Variants in CA8 observed in about 807,000 individuals in gnomAD.
CA8 encodes carbonic anhydrase-related protein.
CA8 carries 22 observed loss-of-function variants against 41.4 expected under a neutral mutation model. The ratio of observed to expected loss-of-function variants is 0.53; its 90% CI spans 0.38 to 0.76. The LOEUF (loss-of-function observed/expected upper bound fraction) is 0.76, where lower values mean the gene tolerates loss of function less well. Ranked by LOEUF, CA8 falls within the 30% of genes least tolerant of loss-of-function variation. CA8 has a pLI of 0.00. For synonymous variants in CA8, 121 were observed against 130.6 expected, an observed-to-expected ratio of 0.93 and a Z score of 0.50; for missense variants, 270 against 352.8, an observed-to-expected ratio of 0.77 and a Z score of 1.88.
chr8:60,225,162 C>G (rs1313834493), intron 5 of CA8, among the ~76,000 whole-genome samples: 2 of 152,028 alleles, frequency 1.3e-5, no homozygotes, highest in Non-Finnish European at 2.9e-5. Context: ...ATACAAATTT[C>G]AAGGGAATCA....
At chr8:60,249,997 CAGAAA>C (rs1454449960) in intron 3 of CA8, among the ~76,000 whole-genome samples, 1 of 152,136 alleles carries the variant, frequency 6.6e-6, no homozygotes, top group Non-Finnish European at 1.5e-5. Context: ...TACCTAGCAT[CAGAAA>C]TATAATATCC....
rs79993584 is a variant in CA8, at chr8:60,198,630, T to C, written c.*36-8645A>G. ...GATTGACTATCTAATTACTTCTTAA[T>C]TGAATGCACATATTATACATTTTTC... is the stretch of plus-strand genomic sequence containing the variant. On this transcript the variant is annotated intron_variant, in intron 8 of 8. Coordinates refer to ENST00000317995, the MANE Select transcript of CA8 (RefSeq NM_004056.6). 8.6e-4 allele frequency among the ~76,000 whole-genome samples: 131 copies of C among 152,304 alleles called. 1 individual carries two copies. Among genetic ancestry groups the C allele is most frequent in the African/African-American group, 3.0e-3 (123 of 41,558 alleles).
At chr8:60,253,632 G>T (rs771938299) in intron 3 of CA8, among the ~76,000 whole-genome samples, 4 of 152,114 alleles carry the variant, frequency 2.6e-5, no homozygotes, top group Non-Finnish European at 4.4e-5. Context: ...CTCATTCTCA[G>T]GAAGGAGTTA....
In CA8 at chr8:60,223,569, G is replaced by A. The variant is rs578136441; in HGVS notation, c.626-808C>T. Reference sequence around the variant, plus strand: ...CAAAGTGTTGGGATTACATAGGTATGATCATGTCTGTCTGAAAGCCTGTAT... The same window carrying A: ...CAAAGTGTTGGGATTACATAGGTATAATCATGTCTGTCTGAAAGCCTGTAT... On this transcript the variant is annotated intron_variant, in intron 6 of 8. Coordinates refer to ENST00000317995, the MANE Select transcript of CA8 (RefSeq NM_004056.6). 5.9e-5 allele frequency among the ~76,000 whole-genome samples: 9 copies of A among 152,320 alleles called. No individual in the cohort carries two copies. In the East Asian group the frequency reaches 1.7e-3, roughly 29 times the overall value.
At chr8:60,232,182 A>T in intron 4 of CA8, 102 bp downstream of exon 4, 1 of 844,356 alleles carries the variant, frequency 1.2e-6, no homozygotes, top group Non-Finnish European at 2.0e-6. Flanking sequence ...CTATGTGTGT[A>T]ATTTCATCTC....
chr8:60,269,149 G>A (rs1803990258), intron 2 of CA8, among the ~76,000 whole-genome samples: 1 of 152,136 alleles, frequency 6.6e-6, no homozygotes, highest in Non-Finnish European at 1.5e-5. Flanking sequence ...GAATGATTGT[G>A]TTTATGGACT....
chr8:60,196,441 G>C (rs1806284607), intron 8 of CA8, among the ~76,000 whole-genome samples: 1 of 152,058 alleles, frequency 6.6e-6, no homozygotes, highest in African/African-American at 2.4e-5. Flanking sequence ...AGCAAATAGA[G>C]GTGCTGTGTT....
At chr8:60,280,068 A>T (rs1338496663) in intron 1 of CA8, among the ~76,000 whole-genome samples, 188 bp from the exon 2 acceptor site, 1 of 152,192 alleles carries the variant, frequency 6.6e-6, no homozygotes, top group Non-Finnish European at 1.5e-5. Flanking sequence ...GTTATTATCA[A>T]ATACCATACA....
At chr8:60,248,443 G>T (rs568397473) in intron 3 of CA8, among the ~76,000 whole-genome samples, 1 of 152,266 alleles carries the variant, frequency 6.6e-6, no homozygotes, top group South Asian at 2.1e-4. Flanking sequence ...GTGCAAGGAA[G>T]GGGTCCAGTT....
At chr8:60,194,151 A>G (rs1466240389) in intron 8 of CA8, among the ~76,000 whole-genome samples, 1 of 152,088 alleles carries the variant, frequency 6.6e-6, no homozygotes, top group East Asian at 1.9e-4. Flanking sequence ...TTACCTCTCC[A>G]AATATATGAG....
chr8:60,237,127 T>C (rs1402671640), intron 3 of CA8, among the ~76,000 whole-genome samples: 1 of 152,182 alleles, frequency 6.6e-6, no homozygotes, highest in Non-Finnish European at 1.5e-5. Context: ...TGTGCTCTCA[T>C]AAAAGACCTC....
rs557514210 is a variant in CA8 at position 60,222,026 on chromosome 8, C to A, written c.738+623G>T. On this transcript the variant is annotated intron_variant, in intron 7 of 8. Transcript: ENST00000317995. ...AGACAGGAGATATTTAAAGCCCCTT[C>A]TGTAATATTAAAATCATGGCTTAAA... Among the ~76,000 whole-genome samples the A allele has an allele frequency of 5.3e-5, 8 of 152,290 alleles. No homozygotes were observed. In the East Asian group the frequency reaches 1.4e-3, roughly 26 times the overall value.
chr8:60,261,856 C>T (rs534272909), intron 3 of CA8, among the ~76,000 whole-genome samples: 2 of 151,954 alleles, frequency 1.3e-5, no homozygotes, highest in African/African-American at 2.4e-5. Flanking sequence ...GGACTACAGG[C>T]GCCCGTCACC....
chr8:60,271,537 G>A (rs1424612991), intron 2 of CA8, among the ~76,000 whole-genome samples: 4 of 152,090 alleles, frequency 2.6e-5, no homozygotes, highest in Non-Finnish European at 5.9e-5. Flanking sequence ...GGGAAAAGTA[G>A]GATTAATAAT....
intron 3 of CA8, among the ~76,000 whole-genome samples, chr8:60,258,993 C>G (rs760274234): frequency 1.3e-4 from 20 of 152,168 alleles, no homozygotes; most frequent in Non-Finnish European, 2.4e-4. Context: ...GGAGAAAAAT[C>G]ACAAATTGCA....
chr8:60,224,647 A>C, intron 5 of CA8, 62 bp from the exon 6 acceptor site: 1 of 1,053,920 alleles, frequency 9.5e-7, no homozygotes. Context: ...TAGAATAAAA[A>C]ATCTATTAGA....
At position 60,279,827 on chromosome 8, in the gene CA8, T is replaced by C. The variant is rs1028494750; in HGVS notation, c.154A>G (p.Ile52Val). ...PDANGEYQSP[I>V]NLNSREARYD... ...CTAGCCTCTCTTGAGTTTAGGTTAA[T>C]AGGAGACTGGTATTCCCCATTAGCA... The change falls in exon 2 of 9, where the codon ATT (isoleucine) becomes GTT (valine). Residue 52 changes from isoleucine (I) to valine (V), a missense_variant. Ile to Val is a conservative substitution (Grantham distance 29, BLOSUM62 3). This residue lies in a region of CA8 where 123 missense variants were observed against 136.8 expected (regional missense o/e 0.90). Transcript: ENST00000317995. The C allele has an allele frequency of 1.9e-6, 3 of 1,613,888 alleles. No individual in the cohort carries two copies. Among genetic ancestry groups the C allele is most frequent in the African/African-American group, 2.7e-5 (2 of 74,900 alleles).
intron 7 of CA8, among the ~76,000 whole-genome samples, chr8:60,221,226 C>T (rs1028511125): frequency 6.6e-6 from 1 of 152,174 alleles, no homozygotes; most frequent in Admixed American, 6.5e-5. Context: ...AAATTATTCC[C>T]TAAACCTCTT....
At position 60,188,274 on chromosome 8, in the gene CA8, T is replaced by G. The variant is rs1438491267; in HGVS notation, c.*1747A>C. On this transcript the variant is annotated 3_prime_UTR_variant, in exon 9 of 9. Transcript: ENST00000317995. The stretch of plus-strand genomic sequence containing the variant: ...TTTGTTATTGTATTTGTTTATTTTG[T>G]GTATTTCAGGGAAAGATGAAAGAAG... The G allele has an allele frequency of 6.6e-6, 1 of 152,226 alleles. No homozygotes were observed. The highest frequency in any genetic ancestry group is 2.4e-5 in the African/African-American group (1 of 41,452). The allele number at this position is 152,226 out of a possible 1,614,324, so 9.4% of individuals were successfully genotyped here.
Sources: allele counts gnomAD v4.1 joint callset (sites outside exome capture counted in the v4.1 genomes callset), GRCh38; gene constraint gnomAD v4.1.1; regional missense constraint gnomAD v4.1.1; transcripts MANE v1.5; gene names NCBI Gene and HGNC (gene_info 2026-07-23, HGNC 2026-07-21).